ACTR1A: variants seen among roughly 807,000 people sequenced by gnomAD.
ACTR1A encodes the protein alpha-centractin.
In ACTR1A, 10 loss-of-function variants were observed where a neutral mutation model predicts 50.7. The ratio of observed to expected loss-of-function variants is 0.20; its 90% confidence interval spans 0.12 to 0.33. ACTR1A has a LOEUF of 0.33. Ranked by LOEUF, ACTR1A falls within the 10% of genes least tolerant of loss-of-function variation. The pLI is 1.00. For missense variants in ACTR1A, 253 were observed against 491.7 expected (o/e 0.51, Z 4.59); for synonymous variants, 177 against 184.2 (o/e 0.96, Z 0.32).
Position 102,495,755 on chromosome 10 carries a change from ATTTTTTT to A in ACTR1A, c.49-5149_49-5143del, listed in dbSNP as rs79530206. On this transcript the variant is annotated intron_variant, in intron 1 of 10. Transcript: ENST00000369905. ...AAATAAATAAATAAATAAATACACA[ATTTTTTT>A]TTTTTTTTTTTTTTTTGATACGGAC... 3.1e-3 allele frequency among the ~76,000 whole-genome samples: 305 copies of A among 99,558 alleles called. 1 individual carries two copies. The highest frequency in any genetic ancestry group is 8.9e-3 in the African/African-American group (232 of 25,968). 65.3% of individuals were successfully genotyped at this position (99,558 alleles called of 152,430 possible).
intron 1 of ACTR1A, among the ~76,000 whole-genome samples, chr10:102,492,069 CTTT>C (rs71016386): frequency 1.1e-5 from 1 of 92,342 alleles, no homozygotes. Context: ...CGTGCCCGGC[CTTT>C]TTTTTTTTTT....
At chr10:102,481,292 C>T (rs776497942) in intron 9 of ACTR1A, 120 bp from the exon 10 acceptor site, 34 of 1,157,536 alleles carry the variant, frequency 2.9e-5, no homozygotes, top group Middle Eastern at 2.6e-4. Flanking sequence ...AAGCTCTGGC[C>T]TCTCTGGAGG....
In ACTR1A at chr10:102,488,075, C is replaced by A. The variant is rs1412314698; in HGVS notation, c.315+75G>T. ...ACTCTTGGCAGTGATCATCGTCCTC[C>A]TCATCATCTCTAGGGTAGGAGTTTG... is the stretch of plus-strand genomic sequence containing the variant. On this transcript the variant is annotated intron_variant, in intron 4 of 10. Coordinates refer to ENST00000369905, the MANE Select transcript of ACTR1A (RefSeq NM_005736.4). This position sits in a 1 kb window ranked among gnomAD's most constrained non-coding sequence, Gnocchi z 4.4. 6.5e-7 allele frequency: 1 copy of A among 1,537,140 alleles called. No individual in the cohort carries two copies. The highest frequency in any genetic ancestry group is 2.3e-5 in the East Asian group (1 of 43,682).
chr10:102,480,962 G>A lies in ACTR1A; in HGVS notation c.1032C>T (p.Gly344=), dbSNP rs1262759220. Residue 344 remains glycine (G), a synonymous_variant, in exon 11 of 11, where the codon GGC becomes GGT. Transcript: ENST00000369905. ...AGGTGTCCAGGGAGGCAAGGATGGA[G>A]CCCCTGGAGGGAGGAAACCCAGAGG... is the stretch of plus-strand genomic sequence containing the variant. ...QERLYSTWIG[G]SILASLDTFK... is the part of the protein sequence containing the mutation. 3.1e-6 allele frequency: 5 copies of A among 1,612,044 alleles called. No homozygotes were observed. In the African/African-American group the frequency reaches 6.7e-5, roughly 22 times the overall value.
intron 1 of ACTR1A, among the ~76,000 whole-genome samples, chr10:102,493,697 G>A (rs1346514802): frequency 1.3e-5 from 2 of 152,166 alleles, no homozygotes; most frequent in Non-Finnish European, 2.9e-5. Context: ...ACAATGTAAG[G>A]TTTCCACTTT....
rs536857884 is a variant in ACTR1A at position 102,493,524 on chromosome 10, T to C, written c.49-2911A>G. Among the ~76,000 whole-genome samples, 6 of 152,370 alleles carry C rather than the reference T, an allele frequency of 3.9e-5. No homozygotes were observed. In the South Asian group the frequency reaches 1.2e-3, roughly 32 times the overall value. On this transcript the variant is annotated intron_variant, in intron 1 of 10. Coordinates refer to ENST00000369905, the MANE Select transcript of ACTR1A (RefSeq NM_005736.4). ...GAAGTCAGATTTGTTTTTTCTTCTCTGTCCTTCCTAGCAAAGAGTATAAAA... is the reference window on the plus strand; with the variant it reads ...GAAGTCAGATTTGTTTTTTCTTCTCCGTCCTTCCTAGCAAAGAGTATAAAA...
At chr10:102,491,700 T>C (rs1467735252) in intron 1 of ACTR1A, among the ~76,000 whole-genome samples, 1 of 152,196 alleles carries the variant, frequency 6.6e-6, no homozygotes, top group Non-Finnish European at 1.5e-5. Flanking sequence ...ACAGTGACTC[T>C]GGACACAGAG....
In ACTR1A at chr10:102,488,242, T is replaced by C. The variant is rs965977283; in HGVS notation, c.223A>G (p.Met75Val). The C allele has an allele frequency of 1.9e-6, 3 of 1,614,034 alleles. No individual in the cohort carries two copies. The highest frequency in any genetic ancestry group is 1.3e-5 in the African/African-American group (1 of 75,050). The change falls in exon 4 of 11, where the codon ATG becomes GTG. Residue 75 changes from methionine to valine, a missense_variant. Coordinates refer to ENST00000369905, the MANE Select transcript of ACTR1A (RefSeq NM_005736.4). The surrounding 1 kb of genome is among the most constrained non-coding windows in gnomAD (Gnocchi z 4.4). ...CAATCCTTGACGATGCCATGCTCCA[T>C]GGGATAGCGGATTGAAAGCAGCCCT... ...HRGLLSIRYP[M>V]EHGIVKDWND... is the part of the protein sequence containing the mutation.
rs747589234 is a variant in ACTR1A at position 102,490,623 on chromosome 10, G to A, written c.49-10C>T. The A allele has an allele frequency of 6.2e-7, 1 of 1,608,284 alleles. No homozygotes were observed. The highest frequency in any genetic ancestry group is 1.3e-5 in the African/African-American group (1 of 74,804). On this transcript the variant is annotated splice_polypyrimidine_tract_variant and intron_variant, in intron 1 of 10. Transcript: ENST00000369905. ...TAATCACACCGGATCCCTGAGGAAA[G>A]AGGAGAGAGAATGAGGAGTCAGAAC... is the stretch of plus-strand genomic sequence containing the variant.
At chr10:102,487,678 C>G (rs2062175315) in intron 4 of ACTR1A, among the ~76,000 whole-genome samples, 1 of 142,746 alleles carries the variant, frequency 7.0e-6, no homozygotes, top group Non-Finnish European at 1.5e-5. Flanking sequence ...GTCACCCAGG[C>G]TGGAGCACAG....
At position 102,479,423 on chromosome 10, in the gene ACTR1A, T is replaced by C. The variant is rs1300552658; in HGVS notation, c.*1440A>G. On this transcript the variant is annotated 3_prime_UTR_variant, in exon 11 of 11. Transcript: ENST00000369905. This position sits in a 1 kb window ranked among gnomAD's most constrained non-coding sequence, Gnocchi z 4.0. ...GTGGCCCACACCTGGCAGGGGCCTT[T>C]GGTCATAGGACGGCGTGGGGGAGAA... 3.1e-5 allele frequency: 12 copies of C among 383,306 alleles called. No homozygotes were observed. Among genetic ancestry groups the C allele is most frequent in the Non-Finnish European group, 5.4e-5 (11 of 203,216 alleles). The allele number at this position is 383,306 out of a possible 1,614,324, so 23.7% of individuals were successfully genotyped here. A position where few individuals can be genotyped will look rare whatever the true frequency, so the allele number is the denominator to read the frequency against.
Position 102,482,944 on chromosome 10 carries a change from G to A in ACTR1A, c.750+67C>T. On this transcript the variant is annotated intron_variant, in intron 7 of 10. Transcript: ENST00000369905. This position sits in a 1 kb window ranked among gnomAD's most constrained non-coding sequence, Gnocchi z 5.6. ...CTGCCAGACTCCAGACCCTGATGGAGAATTCTGGTTGGGCCCAGAGCTTTT... is the reference window on the plus strand; with the variant it reads ...CTGCCAGACTCCAGACCCTGATGGAAAATTCTGGTTGGGCCCAGAGCTTTT... 1 of 1,322,730 alleles carries A rather than the reference G, an allele frequency of 7.6e-7. No homozygotes were observed. The highest frequency in any genetic ancestry group is 2.0e-4 in the Middle Eastern group (1 of 5,048). The allele number at this position is 1,322,730 out of a possible 1,614,324, so 81.9% of individuals were successfully genotyped here. A position where few individuals can be genotyped will look rare whatever the true frequency, so the allele number is the denominator to read the frequency against.
At position 102,483,047 on chromosome 10, in the gene ACTR1A, T is replaced by C. The variant is rs1344054850; in HGVS notation, c.714A>G (p.Lys238=). The change falls in exon 7 of 11, where the codon AAA becomes AAG. Residue 238 remains lysine, a synonymous_variant. Transcript: ENST00000369905. Reference sequence around the variant, plus strand: ...TGCCATCAGGCAGGTAGTACTGAGCTTTCTCTGTCTCTAGCGTCTCATCCT... The same window carrying C: ...TGCCATCAGGCAGGTAGTACTGAGCCTTCTCTGTCTCTAGCGTCTCATCCT... ...PQKDETLETE[K]AQYYLPDGST... is the part of the protein sequence containing the mutation. 5.9e-5 allele frequency: 96 copies of C among 1,614,110 alleles called. No homozygotes were observed. Among genetic ancestry groups the C allele is most frequent in the Non-Finnish European group, 7.7e-5 (91 of 1,180,044 alleles).
At chr10:102,492,300 A>C (rs1433053758) in intron 1 of ACTR1A, among the ~76,000 whole-genome samples, 1 of 150,650 alleles carries the variant, frequency 6.6e-6, no homozygotes, top group Non-Finnish European at 1.5e-5. Flanking sequence ...CGAACTCCTG[A>C]CCTTGTGATC....
Position 102,482,260 on chromosome 10 carries a change from G to A in ACTR1A, c.751-85C>T, listed in dbSNP as rs567871111. The A allele has an allele frequency of 9.0e-6, 12 of 1,329,016 alleles. No homozygotes were observed. The highest frequency in any genetic ancestry group is 1.2e-5 in the South Asian group (1 of 80,464). 82.3% of individuals were successfully genotyped at this position (1,329,016 alleles called of 1,614,324 possible). Reference sequence around the variant, plus strand: ...GGGAATGGAAGACGCCCCTCTGCACGTCACTTAGTAACTGGGTGGCTATGA... The same window carrying A: ...GGGAATGGAAGACGCCCCTCTGCACATCACTTAGTAACTGGGTGGCTATGA... On this transcript the variant is annotated intron_variant, in intron 7 of 10. Transcript: ENST00000369905. The surrounding 1 kb of genome is among the most constrained non-coding windows in gnomAD (Gnocchi z 5.6).
rs191944831 is a variant in ACTR1A, at chr10:102,488,580, C to T, written c.190-305G>A. ...TTCCTCATTGCCTGGTTCCAGGACACAATCTCCTGGCTCCCACCTCTGGGC... is the reference window on the plus strand; with the variant it reads ...TTCCTCATTGCCTGGTTCCAGGACATAATCTCCTGGCTCCCACCTCTGGGC... On this transcript the variant is annotated intron_variant, in intron 3 of 10. Transcript: ENST00000369905. This position sits in a 1 kb window ranked among gnomAD's most constrained non-coding sequence, Gnocchi z 4.4. 6.6e-6 allele frequency among the ~76,000 whole-genome samples: 1 copy of T among 152,300 alleles called. No homozygotes were observed. The highest frequency in any genetic ancestry group is 6.5e-5 in the Admixed American group (1 of 15,296).
chr10:102,494,945 T>C (rs1328837634), intron 1 of ACTR1A, among the ~76,000 whole-genome samples: 1 of 152,086 alleles, frequency 6.6e-6, no homozygotes, highest in Non-Finnish European at 1.5e-5. Context: ...TGAGTAGTTG[T>C]TGTTACAGGT....
intron 2 of ACTR1A, 58 bp downstream of exon 2, chr10:102,490,491 C>G: frequency 7.0e-7 from 1 of 1,431,068 alleles, no homozygotes; most frequent in Admixed American, 1.7e-5. Context: ...CCTTATAGGG[C>G]TGGGCCTGTA....
Position 102,502,683 on chromosome 10 carries a change from C to A in ACTR1A, c.-36G>T, listed in dbSNP as rs777411518. 5.3e-5 allele frequency: 85 copies of A among 1,611,978 alleles called. No individual in the cohort carries two copies. Among genetic ancestry groups the A allele is most frequent in the Non-Finnish European group, 7.1e-5 (84 of 1,178,580 alleles). The stretch of plus-strand genomic sequence containing the variant: ...TCTCTCCTTCTGGGGAAGGAACTGC[C>A]CAGCCGGGTCCGCCGCTAGCGCCAC... On this transcript the variant is annotated 5_prime_UTR_variant, in exon 1 of 11. Transcript: ENST00000369905.
Sources: gnomAD v4.1 joint callset for allele counts (sites outside exome capture counted in the v4.1 genomes callset) on GRCh38, gnomAD v4.1.1 for gene constraint, Gnocchi (gnomAD v3.1) non-coding constraint, MANE v1.5 for transcripts, NCBI Gene and HGNC (gene_info 2026-07-23, HGNC 2026-07-21) for gene names.